CLPTM1: variants seen among roughly 807,000 people sequenced by gnomAD.
The protein encoded by CLPTM1 is putative lipid scramblase CLPTM1.
Under a neutral mutation model 77.3 loss-of-function variants are expected in CLPTM1, and 21 were observed. The observed-to-expected ratio is 0.27, with a 90% CI of 0.19 to 0.39. CLPTM1 has a LOEUF of 0.39. Among genes scored for constraint, CLPTM1 ranks in the 10% least tolerant of loss-of-function variants. The pLI, the probability that CLPTM1 is intolerant of heterozygous loss-of-function variation, is 1.00. For missense variants in CLPTM1, 642 were observed against 921.2 expected (o/e 0.70, Z 3.92); for synonymous variants, 373 against 381.0 (o/e 0.98, Z 0.24).
Position 44,988,100 on chromosome 19 carries a change from C to T in CLPTM1, c.1059C>T (p.Asn353=), listed in dbSNP as rs1159331677. 3.1e-6 allele frequency: 5 copies of T among 1,614,042 alleles called. No homozygotes were observed. Among genetic ancestry groups the T allele is most frequent in the Non-Finnish European group, 4.2e-6 (5 of 1,179,906 alleles). The change falls in exon 9 of 14, where the codon AAC becomes AAT. Residue 353 remains asparagine, a synonymous_variant. Transcript: ENST00000337392. ...TGCAGGTGGCCCTGCTGGAGACCAACCCCTACCTGCTGGCGCTCACCATCA... is the reference window on the plus strand; with the variant it reads ...TGCAGGTGGCCCTGCTGGAGACCAATCCCTACCTGCTGGCGCTCACCATCA... The part of the protein sequence containing the change: ...DSVKVALLET[N]PYLLALTIIV...
chr19:44,956,476 A>T (rs1970465701), intron 1 of CLPTM1, among the ~76,000 whole-genome samples: 1 of 152,190 alleles, frequency 6.6e-6, no homozygotes, highest in African/African-American at 2.4e-5. Context: ...AGCCCAGAGA[A>T]AGAGCAAGTG....
chr19:44,985,288 C>T lies in CLPTM1; in HGVS notation c.657C>T (p.Asp219=), dbSNP rs375955885. 3.5e-5 allele frequency: 57 copies of T among 1,612,388 alleles called. No homozygotes were observed. In the African/African-American group the frequency reaches 5.9e-4, roughly 17 times the overall value. ...TGCTGACAGGAGAGACAGAAGCGGA[C>T]CCAGAAATGATCAAGGTAAATGGGC... is the stretch of plus-strand genomic sequence containing the variant. ...KNLLTGETEA[D]PEMIKRAEDY... is the part of the protein sequence containing the mutation. The change falls in exon 6 of 14, where the codon GAC becomes GAT. Residue 219 remains aspartate, a synonymous_variant. Coordinates refer to ENST00000337392, the MANE Select transcript of CLPTM1 (RefSeq NM_001294.4).
Position 44,955,461 on chromosome 19 carries a change from C to T in CLPTM1, c.66C>T (p.Ser22=), listed in dbSNP as rs529471385. 8 of 1,323,332 alleles carry T rather than the reference C, an allele frequency of 6.0e-6. No individual in the cohort carries two copies. Among genetic ancestry groups the T allele is most frequent in the South Asian group, 2.4e-5 (1 of 40,910 alleles). The allele number at this position is 1,323,332 out of a possible 1,614,324, so 82.0% of individuals were successfully genotyped here. The change falls in exon 1 of 14, where the codon TCC becomes TCT. Residue 22 remains serine (S), a synonymous_variant. Coordinates refer to ENST00000337392, the MANE Select transcript of CLPTM1 (RefSeq NM_001294.4). ...SAVVAAGGGS[S]GQVTSNGSIG... ...TGGTGGCGGCCGGGGGAGGCAGCTC[C>T]GGTCAGGTACGGAGGCCGAGAGGGG...
In CLPTM1 at chr19:44,973,221, G is replaced by T. The variant is rs1342507388; in HGVS notation, c.309+11G>T. ...AAAGACACTTTAATGGTAACTGCCG[G>T]GTGGTAGGGCAGACTTGGGAGGTGA... On this transcript the variant is annotated intron_variant, in intron 3 of 13. Coordinates refer to ENST00000337392, the MANE Select transcript of CLPTM1 (RefSeq NM_001294.4). The T allele has an allele frequency of 1.2e-6, 2 of 1,613,836 alleles. No homozygotes were observed.
chr19:44,974,629 G>A lies in CLPTM1; in HGVS notation c.468+32G>A, dbSNP rs559995951. On this transcript the variant is annotated intron_variant, in intron 4 of 13. Coordinates refer to ENST00000337392, the MANE Select transcript of CLPTM1 (RefSeq NM_001294.4). ...GCAGCTCTCGGTTTCTGGCCCCATG[G>A]CTGCTTGACTGGCACTGAAGGACCT... is the stretch of plus-strand genomic sequence containing the variant. 1.5e-5 allele frequency: 23 copies of A among 1,583,980 alleles called. No individual in the cohort carries two copies. In the African/African-American group the frequency reaches 3.4e-4, roughly 24 times the overall value.
At chr19:44,961,100 G>T (rs946020952) in intron 1 of CLPTM1, among the ~76,000 whole-genome samples, 1 of 152,104 alleles carries the variant, frequency 6.6e-6, no homozygotes, top group East Asian at 1.9e-4. Flanking sequence ...CTGCTTCTGC[G>T]GTCCTTCCTG....
chr19:44,988,400 G>A (rs535606331), intron 9 of CLPTM1, among the ~76,000 whole-genome samples: 1 of 152,352 alleles, frequency 6.6e-6, no homozygotes, highest in South Asian at 2.1e-4. Flanking sequence ...GCCCGCTGGT[G>A]GGGCAGAGGC....
intron 7 of CLPTM1, 116 bp downstream of exon 7, chr19:44,986,691 TC>T: frequency 7.5e-7 from 1 of 1,324,716 alleles, no homozygotes. Context: ...GGCTCCACCC[TC>T]CCAAGCTCCC....
intron 5 of CLPTM1, among the ~76,000 whole-genome samples, chr19:44,979,996 CTT>C (rs1462704864): frequency 6.6e-6 from 1 of 152,186 alleles, no homozygotes; most frequent in South Asian, 2.1e-4. Flanking sequence ...GCAGTTTTGT[CTT>C]TGGTGAGTGT....
intron 5 of CLPTM1, among the ~76,000 whole-genome samples, chr19:44,979,057 A>G (rs971316559): frequency 2.7e-5 from 4 of 147,174 alleles, no homozygotes; most frequent in African/African-American, 5.1e-5. Flanking sequence ...TCAGCTCACC[A>G]CAATTTCCAC....
At chr19:44,963,328 AT>A (rs201566517) in intron 2 of CLPTM1, among the ~76,000 whole-genome samples, 62,429 of 131,272 alleles carry the variant, frequency 0.48, 14,142 homozygotes, top group South Asian at 0.56. Flanking sequence ...TATTTTATGT[AT>A]TTTTTTTTTT....
At chr19:44,973,765 T>TTTTTTTGTTTTTG (rs1555721347) in intron 3 of CLPTM1, among the ~76,000 whole-genome samples, 5 of 131,638 alleles carry the variant, frequency 3.8e-5, no homozygotes, top group African/African-American at 1.4e-4. Flanking sequence ...CAGTGGGTTT[T>TTTTTTTGTTTTTG]TTTTTTTTTT....
In CLPTM1 at chr19:44,992,310, A is replaced by G; in HGVS notation, c.1633A>G (p.Thr545Ala). ...SVAHLPWRML[T>A]YKALNTFIDD... ...GGCCCACCTTCCCTGGCGCATGCTCACCTACAAGGCCCTCAACACATTCAT... is the reference window on the plus strand; with the variant it reads ...GGCCCACCTTCCCTGGCGCATGCTCGCCTACAAGGCCCTCAACACATTCAT... Residue 545 changes from threonine to alanine, a missense_variant, in exon 13 of 14, where the codon ACC becomes GCC. Transcript: ENST00000337392. This position sits in a 1 kb window ranked among gnomAD's most constrained non-coding sequence, Gnocchi z 7.7. 2.5e-6 allele frequency: 4 copies of G among 1,614,074 alleles called. No homozygotes were observed. Among genetic ancestry groups the G allele is most frequent in the Non-Finnish European group, 3.4e-6 (4 of 1,179,976 alleles).
intron 6 of CLPTM1, 47 bp from the exon 7 acceptor site, chr19:44,986,408 G>A (rs560994829): frequency 6.2e-6 from 10 of 1,602,740 alleles, no homozygotes; most frequent in South Asian, 2.2e-5. Context: ...GATAGTCCCC[G>A]AGCACTTCCA....
At chr19:44,988,048 G>T in intron 8 of CLPTM1, 32 bp from the exon 9 acceptor site, 1 of 1,525,488 alleles carries the variant, frequency 6.6e-7, no homozygotes, top group Non-Finnish European at 9.1e-7. Flanking sequence ...TCCTGGGTGG[G>T]GACAGGCTGT....
chr19:44,973,758 T>TG lies in CLPTM1; in HGVS notation c.309+551dup, dbSNP rs1252324081. ...GGAGGAAGTTCTTGTTGGGTCACAG[T>TG]GGGTTTTTTTTTTTTTTTTTTTTGA... is the stretch of plus-strand genomic sequence containing the variant. On this transcript the variant is annotated intron_variant, in intron 3 of 13. Coordinates refer to ENST00000337392, the MANE Select transcript of CLPTM1 (RefSeq NM_001294.4). Among the ~76,000 whole-genome samples the TG allele has an allele frequency of 2.7e-3, 223 of 81,428 alleles. 8 individuals are homozygous for TG. In the South Asian group the frequency reaches 0.09, roughly 33 times the overall value. 53.4% of individuals were successfully genotyped at this position (81,428 alleles called of 152,430 possible).
At chr19:44,966,562 G>A (rs974546626) in intron 2 of CLPTM1, among the ~76,000 whole-genome samples, 4 of 152,118 alleles carry the variant, frequency 2.6e-5, no homozygotes, top group Admixed American at 6.6e-5. Flanking sequence ...GTCAGATAGC[G>A]TGTAAGAGCA....
At chr19:44,957,441 C>T (rs921962753) in intron 1 of CLPTM1, among the ~76,000 whole-genome samples, 74 of 152,240 alleles carry the variant, frequency 4.9e-4, no homozygotes, top group Admixed American at 4.8e-3. Flanking sequence ...AGAGGAGGTG[C>T]TCAGTGTTTG....
Position 44,992,001 on chromosome 19 carries a change from C to A in CLPTM1, c.1556-232C>A, listed in dbSNP as rs1045273626. Among the ~76,000 whole-genome samples the A allele has an allele frequency of 6.6e-6, 1 of 152,116 alleles. No individual in the cohort carries two copies. Among genetic ancestry groups the A allele is most frequent in the African/African-American group, 2.4e-5 (1 of 41,412 alleles). Reference sequence around the variant, plus strand: ...CATTAATAGGGGTCCGGGGGCCCCTCTGAGGACAGGACATTTAAACAGAGG... The same window carrying A: ...CATTAATAGGGGTCCGGGGGCCCCTATGAGGACAGGACATTTAAACAGAGG... On this transcript the variant is annotated intron_variant, in intron 12 of 13. Coordinates refer to ENST00000337392, the MANE Select transcript of CLPTM1 (RefSeq NM_001294.4). The surrounding 1 kb of genome is among the most constrained non-coding windows in gnomAD (Gnocchi z 7.7).
Sources: allele counts gnomAD v4.1 joint callset (sites outside exome capture counted in the v4.1 genomes callset), GRCh38; gene constraint gnomAD v4.1.1; non-coding constraint Gnocchi (gnomAD v3.1); transcripts MANE v1.5; gene names NCBI Gene and HGNC (gene_info 2026-07-23, HGNC 2026-07-21).